PLCXD1: variants seen among roughly 807,000 people sequenced by gnomAD.
The protein encoded by PLCXD1 is PI-PLC X domain-containing protein 1.
In PLCXD1, 45 loss-of-function variants were observed where a neutral mutation model predicts 37.8. The ratio of observed to expected loss-of-function variants is 1.19; its 90% CI spans 0.94 to 1.53. The LOEUF is 1.53. Ranked by LOEUF, PLCXD1 falls within the 40% of genes most tolerant of loss-of-function variation. The pLI is 0.00. For missense variants in PLCXD1, 539 were observed against 454.7 expected, an observed-to-expected ratio of 1.19 and a Z score of -1.69; for synonymous variants, 246 against 206.9, an observed-to-expected ratio of 1.19 and a Z score of -1.62.
chrX:290,695 C>A lies in PLCXD1; in HGVS notation c.312C>A (p.Asp104Glu). Residue 104 changes from aspartate to glutamate, a missense_variant, in exon 4 of 7, where the codon GAC (aspartate) becomes GAA (glutamate). Coordinates refer to ENST00000381657, the MANE Select transcript of PLCXD1 (RefSeq NM_018390.4). The stretch of plus-strand genomic sequence containing the variant: ...TGGATGCCGGGGTGCGGTACCTGGA[C>A]CTGCGGATAGCCCACATGCTGGAGG... ...EQLDAGVRYL[D>E]LRIAHMLEGS... 1.2e-6 allele frequency: 2 copies of A among 1,605,856 alleles called. No individual in the cohort carries two copies. The highest frequency in any genetic ancestry group is 1.7e-6 in the Non-Finnish European group (2 of 1,173,984).
At chrX:279,805 A>G (rs2124289334), upstream of PLCXD1, among the ~76,000 whole-genome samples, 1 of 151,946 alleles carries the variant, frequency 6.6e-6, no homozygotes, top group East Asian at 1.9e-4. Flanking sequence ...AAAAAGAGTT[A>G]TTAGTAGAAA....
chrX:282,115 T>C (rs1195249625), intron 1 of PLCXD1, among the ~76,000 whole-genome samples: 1 of 152,136 alleles, frequency 6.6e-6, no homozygotes, highest in Non-Finnish European at 1.5e-5. Flanking sequence ...TGTGAAACTG[T>C]CAACAGGCTG....
At chrX:288,338 C>T (rs1046093198) in intron 2 of PLCXD1, among the ~76,000 whole-genome samples, 3 of 151,114 alleles carry the variant, frequency 2.0e-5, no homozygotes, top group African/African-American at 7.3e-5. Flanking sequence ...TCCTTCCTGC[C>T]TCTCCCAGCT....
upstream of PLCXD1, among the ~76,000 whole-genome samples, chrX:279,246 G>T (rs2069212607): frequency 6.6e-6 from 1 of 152,136 alleles, no homozygotes; most frequent in Non-Finnish European, 1.5e-5. Flanking sequence ...AGTTAAGGCA[G>T]GAACTGGCTG....
chrX:276,701 C>T (rs1025035328), upstream of PLCXD1, among the ~76,000 whole-genome samples: 18 of 152,114 alleles, frequency 1.2e-4, no homozygotes, highest in African/African-American at 3.6e-4. Context: ...GAAATGAGCC[C>T]GGGGGCCACG....
At chrX:294,285 A>G (rs1037715401) in intron 6 of PLCXD1, among the ~76,000 whole-genome samples, 2 of 152,208 alleles carry the variant, frequency 1.3e-5, no homozygotes, top group East Asian at 1.9e-4. Context: ...GATCGAGACC[A>G]TCCCGGCTAA....
At chrX:277,190 G>A (rs145143187), upstream of PLCXD1, among the ~76,000 whole-genome samples, 16,632 of 143,358 alleles carry the variant, frequency 0.12, 1,310 homozygotes, top group East Asian at 0.26. Flanking sequence ...GGAAGGCGTC[G>A]GGGGACCTGG....
At chrX:293,347 C>T (rs764048806) in intron 6 of PLCXD1, 129 bp downstream of exon 6, 285 of 714,758 alleles carry the variant, frequency 4.0e-4, no homozygotes, top group Non-Finnish European at 1.8e-4. Flanking sequence ...ATGAGCTGGG[C>T]GTGGTAATCC....
chrX:282,265 C>T (rs1428459293), intron 1 of PLCXD1, among the ~76,000 whole-genome samples: 4 of 152,132 alleles, frequency 2.6e-5, no homozygotes, highest in Non-Finnish European at 2.9e-5. Context: ...GCCTGTAATC[C>T]CAGCTACTCT....
chrX:293,404 ACC>A (rs2069702465), intron 6 of PLCXD1, among the ~76,000 whole-genome samples, 186 bp downstream of exon 6: 1 of 152,208 alleles, frequency 6.6e-6, no homozygotes, highest in African/African-American at 2.4e-5. Context: ...CGGGTGGATC[ACC>A]TGAGGTCGGG....
chrX:276,772 G>T (rs141650691), upstream of PLCXD1, among the ~76,000 whole-genome samples: 1 of 152,152 alleles, frequency 6.6e-6, no homozygotes, highest in Non-Finnish European at 1.5e-5. Context: ...GGACGGGTCG[G>T]GACAGCTGGG....
At chrX:281,959 G>T (rs1452718508) in intron 1 of PLCXD1, among the ~76,000 whole-genome samples, 1 of 151,958 alleles carries the variant, frequency 6.6e-6, no homozygotes, top group Non-Finnish European at 1.5e-5. Flanking sequence ...TGTTGGCCAG[G>T]CTGGTCTCGA....
At chrX:280,170 T>C (rs904663878), upstream of PLCXD1, among the ~76,000 whole-genome samples, 4 of 152,266 alleles carry the variant, frequency 2.6e-5, no homozygotes, top group African/African-American at 9.6e-5. Context: ...ACCTGCATTT[T>C]AACCTCCCCT....
At chrX:278,230 A>G (rs1026290682), upstream of PLCXD1, among the ~76,000 whole-genome samples, 1 of 149,936 alleles carries the variant, frequency 6.7e-6, no homozygotes, top group Admixed American at 6.6e-5. Context: ...GGGACCTGGG[A>G]TATGATGAAG....
chrX:283,557 G>T (rs1389556145), intron 1 of PLCXD1: 2 of 149,168 alleles, frequency 1.3e-5, no homozygotes, highest in Non-Finnish European at 3.0e-5. Flanking sequence ...CCCGGGTGGG[G>T]GCGGCCTTGG....
intron 3 of PLCXD1, among the ~76,000 whole-genome samples, chrX:290,027 A>G (rs2069578039): frequency 1.3e-5 from 2 of 151,820 alleles, no homozygotes; most frequent in Admixed American, 6.6e-5. Context: ...GTGCGATCTC[A>G]GCTTCCTGCA....
intron 6 of PLCXD1, among the ~76,000 whole-genome samples, chrX:295,496 CAG>C (rs1322648255): frequency 1.9e-5 from 2 of 103,094 alleles, no homozygotes; most frequent in African/African-American, 7.0e-5. Context: ...TGCCCTCACA[CAG>C]GAACGAGGTT....
rs768067308 is a variant in PLCXD1 at position 299,299 on chromosome X, C to T, written c.936C>T (p.Asp312=). 43 of 1,613,696 alleles carry T rather than the reference C, an allele frequency of 2.7e-5. No individual in the cohort carries two copies. In the East Asian group the frequency reaches 6.0e-4, roughly 23 times the overall value. ...DFIGADGFVS[D]VIALNQKLLW... is the part of the protein sequence containing the mutation. ...TCGGCGCAGACGGCTTCGTCAGTGA[C>T]GTCATCGCGCTCAATCAGAAGCTGC... The change falls in exon 7 of 7, where the codon GAC becomes GAT. Residue 312 remains aspartate, a synonymous_variant. Coordinates refer to ENST00000381657, the MANE Select transcript of PLCXD1 (RefSeq NM_018390.4).
rs1332239822 is a variant in PLCXD1, at chrX:293,158, A to C, written c.673A>C (p.Arg225=). The C allele has an allele frequency of 4.3e-6, 7 of 1,612,836 alleles. No individual in the cohort carries two copies. Among genetic ancestry groups the C allele is most frequent in the Non-Finnish European group, 5.9e-6 (7 of 1,179,760 alleles). The change falls in exon 6 of 7, where the codon AGG becomes CGG. Residue 225 remains arginine, a synonymous_variant. Transcript: ENST00000381657. ...AGGAGTCCCCTACTGGTGGGGAAAC[A>C]GGGTGAAGACCGAGGCCCTCATCCG... ...WPGVPYWWGN[R]VKTEALIRYL...
Sources: gnomAD v4.1 joint callset for allele counts (sites outside exome capture counted in the v4.1 genomes callset) on GRCh38, gnomAD v4.1.1 for gene constraint, MANE v1.5 for transcripts, NCBI Gene and HGNC (gene_info 2026-07-23, HGNC 2026-07-21) for gene names.